The following GRIN3B variants were observed in gnomAD, a reference collection of about 807,000 sequenced individuals.
GRIN3B encodes the protein glutamate receptor ionotropic, NMDA 3B.
A neutral mutation model predicts 66.0 loss-of-function variants in GRIN3B; 77 were observed. The ratio of observed to expected loss-of-function variants is 1.17; its 90% confidence interval spans 0.97 to 1.41. GRIN3B has a LOEUF of 1.41. GRIN3B is among the 40% of genes most tolerant of loss of function. GRIN3B has a pLI of 0.00. For missense variants in GRIN3B, 1,787 were observed against 1,564.5 expected (o/e 1.14, Z -2.40); for synonymous variants, 823 against 749.7 (o/e 1.10, Z -1.60).
rs774436628 is a variant in GRIN3B, at chr19:1,005,177, C to T, written c.1676C>T (p.Ala559Val). Residue 559 changes from alanine (A) to valine (V), a missense_variant, in exon 3 of 9, where the codon GCA becomes GTA. Transcript: ENST00000234389. This position sits in a 1 kb window ranked among gnomAD's most constrained non-coding sequence, Gnocchi z 5.2. ...ACCAGCCTGGGCATCATGGTGCGGGCACGGGACACGGCCTCACCCATCGGT... is the reference window on the plus strand; with the variant it reads ...ACCAGCCTGGGCATCATGGTGCGGGTACGGGACACGGCCTCACCCATCGGT... ...FSTSLGIMVRARDTASPIGAF... is the reference protein window; with the variant it reads ...FSTSLGIMVRVRDTASPIGAF... 1 of 1,613,524 alleles carries T rather than the reference C, an allele frequency of 6.2e-7. No individual in the cohort carries two copies. The highest frequency in any genetic ancestry group is 8.5e-7 in the Non-Finnish European group (1 of 1,179,978).
At position 1,007,985 on chromosome 19, in the gene GRIN3B, G is replaced by C; in HGVS notation, c.2314+14G>C. ...TCGCCATTGAGGGTGAGAGGCACCT[G>C]GGCGAGGCGGGGCGCCGGGGTCTCT... On this transcript the variant is annotated intron_variant, in intron 5 of 8. Transcript: ENST00000234389. The surrounding 1 kb of genome is among the most constrained non-coding windows in gnomAD (Gnocchi z 4.4). 1 of 1,608,650 alleles carries C rather than the reference G, an allele frequency of 6.2e-7. No homozygotes were observed. Among genetic ancestry groups the C allele is most frequent in the Non-Finnish European group, 8.5e-7 (1 of 1,176,686 alleles).
Position 1,007,512 on chromosome 19 carries a change from T to C in GRIN3B, c.2053-116T>C. On this transcript the variant is annotated intron_variant, in intron 3 of 8. Transcript: ENST00000234389. This position sits in a 1 kb window ranked among gnomAD's most constrained non-coding sequence, Gnocchi z 4.4. ...GCATGGAGTGGGTGGAGGCCAGGAA[T>C]GCAGCCTCGGCGCCCTGCAGTGCCC... The C allele has an allele frequency of 8.1e-7, 1 of 1,230,898 alleles. No homozygotes were observed. The allele number at this position is 1,230,898 out of a possible 1,614,324, so 76.2% of individuals were successfully genotyped here.
chr19:1,002,981 G>T (rs1473893358), intron 1 of GRIN3B, 149 bp from the exon 2 acceptor site: 3 of 535,134 alleles, frequency 5.6e-6, no homozygotes, highest in Non-Finnish European at 9.7e-6. Flanking sequence ...ACGATGGAAG[G>T]GTTTAGAGCA....
rs935277318 is a variant in GRIN3B at position 1,007,925 on chromosome 19, C to T, written c.2268C>T (p.Asp756=). 5 of 1,611,994 alleles carry T rather than the reference C, an allele frequency of 3.1e-6. No homozygotes were observed. The highest frequency in any genetic ancestry group is 4.2e-6 in the Non-Finnish European group (5 of 1,179,688). The part of the protein sequence containing the change: ...KSLLDYEVSI[D]ADCKLLTVGK... The stretch of plus-strand genomic sequence containing the variant: ...TCCTGGACTACGAGGTCTCCATCGA[C>T]GCCGACTGCAAACTGCTGACCGTGG... The change falls in exon 5 of 9, where the codon GAC becomes GAT. Residue 756 remains aspartate, a synonymous_variant. Coordinates refer to ENST00000234389, the MANE Select transcript of GRIN3B (RefSeq NM_138690.3). The surrounding 1 kb of genome is among the most constrained non-coding windows in gnomAD (Gnocchi z 4.4).
Position 1,005,498 on chromosome 19 carries a change from C to T in GRIN3B, c.1997C>T (p.Ala666Val), listed in dbSNP as rs202188271. Reference protein sequence around the residue: ...VLSSYTANLAAVMVGDKTFEE... With the variant: ...VLSSYTANLAVVMVGDKTFEE... ...TCCAGCTACACGGCCAACCTGGCTG[C>T]CGTCATGGTCGGGGACAAGACCTTC... The change falls in exon 3 of 9, where the codon GCC (alanine) becomes GTC (valine). Residue 666 changes from alanine (A) to valine (V), a missense_variant. Transcript: ENST00000234389. This position sits in a 1 kb window ranked among gnomAD's most constrained non-coding sequence, Gnocchi z 5.2. 1 of 1,612,976 alleles carries T rather than the reference C, an allele frequency of 6.2e-7. No homozygotes were observed. The highest frequency in any genetic ancestry group is 1.3e-5 in the African/African-American group (1 of 75,020).
Position 1,007,533 on chromosome 19 carries a change from T to C in GRIN3B, c.2053-95T>C. ...GGAATGCAGCCTCGGCGCCCTGCAG[T>C]GCCCAGGACGGCCCCACCCCGGAGA... On this transcript the variant is annotated intron_variant, in intron 3 of 8. Coordinates refer to ENST00000234389, the MANE Select transcript of GRIN3B (RefSeq NM_138690.3). The surrounding 1 kb of genome is among the most constrained non-coding windows in gnomAD (Gnocchi z 4.4). 1 of 1,312,674 alleles carries C rather than the reference T, an allele frequency of 7.6e-7. No individual in the cohort carries two copies. The highest frequency in any genetic ancestry group is 3.2e-5 in the East Asian group (1 of 31,558). The allele number at this position is 1,312,674 out of a possible 1,614,324, so 81.3% of individuals were successfully genotyped here. A position where few individuals can be genotyped will look rare whatever the true frequency, so the allele number is the denominator to read the frequency against.
At chr19:1,009,037 C>A in intron 8 of GRIN3B, 110 bp downstream of exon 8, 1 of 1,464,806 alleles carries the variant, frequency 6.8e-7, no homozygotes, top group Non-Finnish European at 9.2e-7. Context: ...AGGTCCCCCG[C>A]CCACCCCCGG....
rs35592366 is a variant in GRIN3B, at chr19:1,003,222, C to T, written c.519C>T (p.Asp173=). The T allele has an allele frequency of 1.0e-5, 16 of 1,570,796 alleles. No homozygotes were observed. Among genetic ancestry groups the T allele is most frequent in the Non-Finnish European group, 1.4e-5 (16 of 1,160,004 alleles). ...VAVLQAHAWE[D]VGLALCRTQD... ...TGCTGCAGGCGCACGCCTGGGAAGA[C>T]GTCGGCCTGGCCCTGTGCCGCACTC... Residue 173 remains aspartate (D), a synonymous_variant, in exon 2 of 9, where the codon GAC becomes GAT. Transcript: ENST00000234389.
rs775561433 is a variant in GRIN3B at position 1,009,314 on chromosome 19, G to A, written c.2844G>A (p.Ala948=). 19 of 1,406,426 alleles carry A rather than the reference G, an allele frequency of 1.4e-5. No homozygotes were observed. In the East Asian group the frequency reaches 3.9e-4, roughly 29 times the overall value. 87.1% of individuals were successfully genotyped at this position (1,406,426 alleles called of 1,614,324 possible). ...CCGCCGTGGTTGTGGCACCCGAAGC[G>A]GACGCGGAGGCGGAGGCTGCGCCGC... The part of the protein sequence containing the change: ...LEPAVVVAPE[A]DAEAEAAPRE... Residue 948 remains alanine (A), a synonymous_variant, in exon 9 of 9, where the codon GCG becomes GCA. Coordinates refer to ENST00000234389, the MANE Select transcript of GRIN3B (RefSeq NM_138690.3).
Position 1,009,264 on chromosome 19 carries a change from C to G in GRIN3B, c.2794C>G (p.Arg932Gly), listed in dbSNP as rs776953312. 226 of 1,420,928 alleles carry G rather than the reference C, an allele frequency of 1.6e-4. 3 individuals are homozygous for G. In the East Asian group the frequency reaches 6.3e-3, roughly 40 times the overall value. 88.0% of individuals were successfully genotyped at this position (1,420,928 alleles called of 1,614,324 possible). Residue 932 changes from arginine to glycine, a missense_variant, in exon 9 of 9, where the codon CGC becomes GGC. Arg to Gly is a moderately radical substitution (Grantham distance 125, BLOSUM62 -2). Coordinates refer to ENST00000234389, the MANE Select transcript of GRIN3B (RefSeq NM_138690.3). ...KRARRAVDKE[R>G]RVRFLLEPAV... ...GGCGCGCCGGGCCGTGGACAAGGAG[C>G]GCCGCGTGCGCTTCCTGCTGGAGCC...
In GRIN3B at chr19:1,009,617, CG is replaced by C. The variant is rs775763423; in HGVS notation, c.*16del. 5 of 1,413,356 alleles carry C rather than the reference CG, an allele frequency of 3.5e-6. No homozygotes were observed. In the African/African-American group the frequency reaches 4.5e-5, roughly 13 times the overall value. The allele number at this position is 1,413,356 out of a possible 1,614,324, so 87.6% of individuals were successfully genotyped here. A position where few individuals can be genotyped will look rare whatever the true frequency, so the allele number is the denominator to read the frequency against. On this transcript the variant is annotated 3_prime_UTR_variant, in exon 9 of 9. Coordinates refer to ENST00000234389, the MANE Select transcript of GRIN3B (RefSeq NM_138690.3). ...GCCAGGAATGAGGCGGCAGCCGGGC[CG>C]TTTGGGCTCAAGACACACACACAGC...
At position 1,003,511 on chromosome 19, in the gene GRIN3B, C is replaced by A. The variant is rs917800956; in HGVS notation, c.808C>A (p.Pro270Thr). The A allele has an allele frequency of 3.9e-6, 6 of 1,533,478 alleles. No homozygotes were observed. The highest frequency in any genetic ancestry group is 5.2e-6 in the Non-Finnish European group (6 of 1,144,852). The allele number at this position is 1,533,478 out of a possible 1,614,324, so 95.0% of individuals were successfully genotyped here. A position where few individuals can be genotyped will look rare whatever the true frequency, so the allele number is the denominator to read the frequency against. The change falls in exon 2 of 9, where the codon CCC becomes ACC. Residue 270 changes from proline (P) to threonine (T), a missense_variant. By Grantham distance (38) the Pro-to-Thr change is conservative (BLOSUM62 -1). Transcript: ENST00000234389. ...GACACCACTGCCGCCCAAGGCCCTG[C>A]CCACCGCGGGGCTGCCACCAGGGCT... is the stretch of plus-strand genomic sequence containing the variant. ...LGTPLPPKAL[P>T]TAGLPPGLLA...
At position 1,008,643 on chromosome 19, in the gene GRIN3B, T is replaced by A; in HGVS notation, c.2492T>A (p.Phe831Tyr). ...ACCCTGCAGATGAGCATCTACCACT[T>A]CGCGGGCCTCTTCGTGTTGCTGTGC... ...TETLQMSIYH[F>Y]AGLFVLLCLG... is the part of the protein sequence containing the mutation. The change falls in exon 7 of 9, where the codon TTC (phenylalanine) becomes TAC (tyrosine). Residue 831 changes from phenylalanine to tyrosine, a missense_variant. Physicochemically the swap from Phe to Tyr is conservative, Grantham distance 22. Coordinates refer to ENST00000234389, the MANE Select transcript of GRIN3B (RefSeq NM_138690.3). 6.2e-7 allele frequency: 1 copy of A among 1,601,488 alleles called. No homozygotes were observed. The highest frequency in any genetic ancestry group is 8.5e-7 in the Non-Finnish European group (1 of 1,179,498).
chr19:1,001,249 GT>G (rs1326902704), intron 1 of GRIN3B, among the ~76,000 whole-genome samples: 5 of 151,866 alleles, frequency 3.3e-5, no homozygotes, highest in Non-Finnish European at 7.4e-5. Context: ...GGACCTCCTG[GT>G]CCCCACCCGG....
At chr19:1,004,338 C>T (rs1287863222) in intron 2 of GRIN3B, among the ~76,000 whole-genome samples, 183 bp from the exon 3 acceptor site, 3 of 152,144 alleles carry the variant, frequency 2.0e-5, no homozygotes, top group African/African-American at 7.2e-5. Context: ...GCATCGGGCA[C>T]GGATGCCCCG....
rs1185158473 is a variant in GRIN3B at position 1,009,654 on chromosome 19, G to A, written c.*52G>A. ...AGACACACACACAGCGCAGTGAGCC[G>A]CTGTCAACAGACAGTTTATTCTATA... On this transcript the variant is annotated 3_prime_UTR_variant, in exon 9 of 9. Transcript: ENST00000234389. 7 of 1,297,824 alleles carry A rather than the reference G, an allele frequency of 5.4e-6. No individual in the cohort carries two copies. Among genetic ancestry groups the A allele is most frequent in the East Asian group, 3.1e-5 (1 of 32,096 alleles). The allele number at this position is 1,297,824 out of a possible 1,614,324, so 80.4% of individuals were successfully genotyped here. A position where few individuals can be genotyped will look rare whatever the true frequency, so the allele number is the denominator to read the frequency against.
Position 1,009,188 on chromosome 19 carries a change from GCA to G in GRIN3B, c.2719_2720del (p.Gln907AlafsTer88). 8.7e-7 allele frequency: 1 copy of G among 1,151,684 alleles called. No individual in the cohort carries two copies. The highest frequency in any genetic ancestry group is 1.1e-6 in the Non-Finnish European group (1 of 896,564). 71.3% of individuals were successfully genotyped at this position (1,151,684 alleles called of 1,614,324 possible). A position where few individuals can be genotyped will look rare whatever the true frequency, so the allele number is the denominator to read the frequency against. ...EAEPSGPEVE[Q>X]QQQQQDQPTA... Reference sequence around the variant, plus strand: ...CCGTCCCCAGCGGCCCCGAGGTGGAGCAGCAGCAGCAGCAGCAGGACCAGCCA... The same window carrying G: ...CCGTCCCCAGCGGCCCCGAGGTGGAGGCAGCAGCAGCAGCAGGACCAGCCA... On this transcript the variant is annotated frameshift_variant, in exon 9 of 9. Coordinates refer to ENST00000234389, the MANE Select transcript of GRIN3B (RefSeq NM_138690.3). LOFTEE classifies it low-confidence loss of function (END_TRUNC).
chr19:1,009,656 T>G lies in GRIN3B; in HGVS notation c.*54T>G, dbSNP rs2038827989. Reference sequence around the variant, plus strand: ...ACACACACACAGCGCAGTGAGCCGCTGTCAACAGACAGTTTATTCTATATA... The same window carrying G: ...ACACACACACAGCGCAGTGAGCCGCGGTCAACAGACAGTTTATTCTATATA... On this transcript the variant is annotated 3_prime_UTR_variant, in exon 9 of 9. Transcript: ENST00000234389. The G allele has an allele frequency of 7.7e-7, 1 of 1,300,658 alleles. No homozygotes were observed. Among genetic ancestry groups the G allele is most frequent in the South Asian group, 1.8e-5 (1 of 56,994 alleles). The allele number at this position is 1,300,658 out of a possible 1,614,324, so 80.6% of individuals were successfully genotyped here.
At chr19:1,009,726 GCTCCTCCGCATTC>G (rs2145548571) in exon 9 of GRIN3B, 1 of 861,902 alleles carries the variant, frequency 1.2e-6, no homozygotes, top group South Asian at 2.7e-5. Context: ...TGGAATGAGC[GCTCCTCCGCATTC>G]CTCCCCGAGT....
Sources: allele counts gnomAD v4.1 joint callset (sites outside exome capture counted in the v4.1 genomes callset), GRCh38; gene constraint gnomAD v4.1.1; non-coding constraint Gnocchi (gnomAD v3.1); transcripts MANE v1.5; gene names NCBI Gene and HGNC (gene_info 2026-07-23, HGNC 2026-07-21).